The following F10 variants were observed in gnomAD, a reference collection of about 807,000 sequenced individuals.
F10 encodes the protein Stuart-Prower factor.
F10 carries 29 observed loss-of-function variants against 37.1 expected under a neutral mutation model. The ratio of observed to expected loss-of-function variants is 0.78; its 90% CI spans 0.58 to 1.07. The LOEUF (loss-of-function observed/expected upper bound fraction) is 1.07, where lower values mean the gene tolerates loss of function less well. Ranked by LOEUF, F10 falls within the 50% of genes least tolerant of loss-of-function variation. F10 has a pLI of 0.00. For synonymous variants in F10, 262 were observed against 268.6 expected (o/e 0.98, Z 0.24); for missense variants, 539 against 667.9 (o/e 0.81, Z 2.13).
At position 113,129,413 on chromosome 13, in the gene F10, G is replaced by A. The variant is rs2036404362; in HGVS notation, c.71-39G>A. The A allele has an allele frequency of 6.3e-6, 9 of 1,436,978 alleles. No homozygotes were observed. In the East Asian group the frequency reaches 2.0e-4, roughly 32 times the overall value. 89.0% of individuals were successfully genotyped at this position (1,436,978 alleles called of 1,614,324 possible). ...TAGGTGAGGGGGAGCCTGGGTGAGGGTGACCAGAGCTTTTAACCCTGTCCT... is the reference window on the plus strand; with the variant it reads ...TAGGTGAGGGGGAGCCTGGGTGAGGATGACCAGAGCTTTTAACCCTGTCCT... On this transcript the variant is annotated intron_variant, in intron 1 of 7. Transcript: ENST00000375559.
chr13:113,149,081 C>G lies in F10; in HGVS notation c.1031C>G (p.Pro344Arg). The G allele has an allele frequency of 6.2e-7, 1 of 1,613,280 alleles. No individual in the cohort carries two copies. Among genetic ancestry groups the G allele is most frequent in the Non-Finnish European group, 8.5e-7 (1 of 1,180,008 alleles). Residue 344 changes from proline to arginine, a missense_variant, in exon 8 of 8, where the codon CCC (proline) becomes CGC (arginine). Transcript: ENST00000375559. This position sits in a 1 kb window ranked among gnomAD's most constrained non-coding sequence, Gnocchi z 7.5. ...ATGAACGTGGCGCCTGCCTGCCTCC[C>G]CGAGCGTGACTGGGCCGAGTCCACG... ...FRMNVAPACLPERDWAESTLM... is the reference protein window; with the variant it reads ...FRMNVAPACLRERDWAESTLM...
In F10 at chr13:113,148,813, C is replaced by A. The variant is rs2036609258; in HGVS notation, c.866-103C>A. On this transcript the variant is annotated intron_variant, in intron 7 of 7. Coordinates refer to ENST00000375559, the MANE Select transcript of F10 (RefSeq NM_000504.4). The stretch of plus-strand genomic sequence containing the variant: ...CAAATTTTCAAAAGTGATCACGTGC[C>A]ATTTTTAATTTAAAAAAATATATAT... The A allele has an allele frequency of 4.6e-6, 7 of 1,511,598 alleles. No homozygotes were observed. In the South Asian group the frequency reaches 9.3e-5, roughly 20 times the overall value. 93.6% of individuals were successfully genotyped at this position (1,511,598 alleles called of 1,614,324 possible). A position where few individuals can be genotyped will look rare whatever the true frequency, so the allele number is the denominator to read the frequency against.
At chr13:113,130,023 C>T in intron 2 of F10, 1 of 333,046 alleles carries the variant, frequency 3.0e-6, no homozygotes, top group Non-Finnish European at 5.8e-6. Context: ...TCCGTAGTCG[C>T]TGAGAGCCAC....
In F10 at chr13:113,143,777, C is replaced by T. The variant is rs1048275345; in HGVS notation, c.503-74C>T. ...GCCTCCCGGCTCTCTGACTCTTCTC[C>T]CTCAGGGTGAGCTGTGCAGGCTATG... On this transcript the variant is annotated intron_variant, in intron 5 of 7. Coordinates refer to ENST00000375559, the MANE Select transcript of F10 (RefSeq NM_000504.4). The surrounding 1 kb of genome is among the most constrained non-coding windows in gnomAD (Gnocchi z 6.8). 3.5e-5 allele frequency: 56 copies of T among 1,598,376 alleles called. No individual in the cohort carries two copies. The highest frequency in any genetic ancestry group is 4.5e-5 in the Non-Finnish European group (53 of 1,178,520).
chr13:113,143,703 GGGGC>G lies in F10; in HGVS notation c.503-147_503-144del. ...CAGATCCGACCCCTGCCGACGACGT[GGGGC>G]CTCGCCCTGCAAGCCCGCTGCCCCT... On this transcript the variant is annotated intron_variant, in intron 5 of 7. Transcript: ENST00000375559. This position sits in a 1 kb window ranked among gnomAD's most constrained non-coding sequence, Gnocchi z 6.8. 168 of 1,188,100 alleles carry G rather than the reference GGGGC, an allele frequency of 1.4e-4. No individual in the cohort carries two copies. Among genetic ancestry groups the G allele is most frequent in the Admixed American group, 9.4e-4 (40 of 42,334 alleles). 73.6% of individuals were successfully genotyped at this position (1,188,100 alleles called of 1,614,324 possible).
At chr13:113,129,753 A>T in intron 2 of F10, 141 bp downstream of exon 2, 7 of 1,109,044 alleles carry the variant, frequency 6.3e-6, no homozygotes, top group Non-Finnish European at 8.0e-6. Context: ...GGGGCCCAGC[A>T]AATCGAGGCC....
Position 113,143,380 on chromosome 13 carries a change from A to G in F10, c.503-471A>G, listed in dbSNP as rs1002687812. The stretch of plus-strand genomic sequence containing the variant: ...CTGCCTGAAAACTTTTTTTTCTTCA[A>G]TGTTTCATTAGGAAAAGTTTTCCAA... On this transcript the variant is annotated intron_variant, in intron 5 of 7. Transcript: ENST00000375559. This position sits in a 1 kb window ranked among gnomAD's most constrained non-coding sequence, Gnocchi z 6.8. 2.6e-5 allele frequency among the ~76,000 whole-genome samples: 4 copies of G among 151,884 alleles called. No individual in the cohort carries two copies. Among genetic ancestry groups the G allele is most frequent in the Non-Finnish European group, 4.4e-5 (3 of 67,942 alleles).
chr13:113,144,313 G>C lies in F10; in HGVS notation c.747+218G>C. ...CAGGGAAGTGGCCGGGGCTGAGGGA[G>C]AGGCTGGGCCCAGGCAACGCCCCCC... On this transcript the variant is annotated intron_variant, in intron 6 of 7. Transcript: ENST00000375559. This position sits in a 1 kb window ranked among gnomAD's most constrained non-coding sequence, Gnocchi z 6.4. The C allele has an allele frequency of 5.9e-6, 4 of 675,554 alleles. 1 individual carries two copies. The South Asian group carries it at 7.4e-5, about 12-fold the overall frequency. The allele number at this position is 675,554 out of a possible 1,614,324, so 41.8% of individuals were successfully genotyped here.
At chr13:113,142,357 C>T (rs961807913) in intron 5 of F10, among the ~76,000 whole-genome samples, 13 of 148,222 alleles carry the variant, frequency 8.8e-5, no homozygotes, top group East Asian at 6.1e-4. Context: ...CTGGCCAACA[C>T]AGTGAAACCC....
chr13:113,126,620 G>A (rs2036373020), intron 1 of F10, among the ~76,000 whole-genome samples: 1 of 152,194 alleles, frequency 6.6e-6, no homozygotes. Flanking sequence ...GCAGGCATAT[G>A]TCCATCTGGC....
rs892855177 is a variant in F10 at position 113,143,040 on chromosome 13, C to T, written c.503-811C>T. ...AGGCACGGCGGGGTGGAGGCCCCTG[C>T]GGCTGGCAGATTCACCGGAGCCTCC... On this transcript the variant is annotated intron_variant, in intron 5 of 7. Coordinates refer to ENST00000375559, the MANE Select transcript of F10 (RefSeq NM_000504.4). The surrounding 1 kb of genome is among the most constrained non-coding windows in gnomAD (Gnocchi z 6.8). Among the ~76,000 whole-genome samples the T allele has an allele frequency of 9.4e-4, 143 of 152,270 alleles. No homozygotes were observed. The highest frequency in any genetic ancestry group is 6.0e-4 in the Non-Finnish European group (41 of 67,992).
intron 2 of F10, chr13:113,130,718 C>G (rs569572626): frequency 1.3e-5 from 2 of 153,544 alleles, no homozygotes; most frequent in East Asian, 3.8e-4. Context: ...CACCTGCAGC[C>G]TGGGACCACC....
rs200293708 is a variant in F10, at chr13:113,141,090, G to A, written c.502+40G>A. On this transcript the variant is annotated intron_variant, in intron 5 of 7. Coordinates refer to ENST00000375559, the MANE Select transcript of F10 (RefSeq NM_000504.4). The surrounding 1 kb of genome is among the most constrained non-coding windows in gnomAD (Gnocchi z 5.4). ...GGGCCACAGCCACCCGCTGCCGCTGGGCCGGGCCAGGGAGGACAAGCCCGT... is the reference window on the plus strand; with the variant it reads ...GGGCCACAGCCACCCGCTGCCGCTGAGCCGGGCCAGGGAGGACAAGCCCGT... 10 of 1,610,600 alleles carry A rather than the reference G, an allele frequency of 6.2e-6. No homozygotes were observed. The Admixed American group carries it at 1.3e-4, about 21-fold the overall frequency.
chr13:113,129,938 G>C, intron 2 of F10: 1 of 360,592 alleles, frequency 2.8e-6, no homozygotes, highest in Admixed American at 3.8e-5. Flanking sequence ...TCATGGTCTC[G>C]GCCAGCGCCT....
intron 1 of F10, chr13:113,128,016 G>A (rs2036386680): frequency 6.6e-6 from 1 of 152,254 alleles, no homozygotes; most frequent in East Asian, 1.9e-4. Context: ...CTTCTCCAGA[G>A]AAGGGTGCAT....
intron 4 of F10, among the ~76,000 whole-genome samples, chr13:113,140,097 G>GGAGTC (rs2036513463): frequency 8.0e-6 from 1 of 125,312 alleles, no homozygotes; most frequent in Non-Finnish European, 1.6e-5. Flanking sequence ...TTTTTGAGAT[G>GGAGTC]GAGTCTCGCT....
chr13:113,135,779 A>G (rs1451091252), intron 2 of F10, among the ~76,000 whole-genome samples: 2 of 152,352 alleles, frequency 1.3e-5, no homozygotes, highest in East Asian at 3.9e-4. Flanking sequence ...ATAAAATACA[A>G]AACTATAAAA....
intron 3 of F10, among the ~76,000 whole-genome samples, chr13:113,138,923 T>C (rs1331153237): frequency 6.6e-6 from 1 of 152,210 alleles, no homozygotes; most frequent in Non-Finnish European, 1.5e-5. Flanking sequence ...CTAAATGAGA[T>C]TGTGTAAATC....
intron 1 of F10, among the ~76,000 whole-genome samples, chr13:113,127,410 T>G (rs1388471621): frequency 6.6e-6 from 1 of 152,066 alleles, no homozygotes; most frequent in Non-Finnish European, 1.5e-5. Context: ...AGTGAGACAT[T>G]GAATTTTTCA....
Sources: gnomAD v4.1 joint callset for allele counts (sites outside exome capture counted in the v4.1 genomes callset) on GRCh38, gnomAD v4.1.1 for gene constraint, Gnocchi (gnomAD v3.1) non-coding constraint, MANE v1.5 for transcripts, NCBI Gene and HGNC (gene_info 2026-07-23, HGNC 2026-07-21) for gene names.